RBFOX2: variants seen among roughly 807,000 people sequenced by gnomAD.
RBFOX2 encodes RNA binding protein fox-1 homolog 2.
Under a neutral mutation model 49.1 loss-of-function variants are expected in RBFOX2, and 10 were observed. The observed-to-expected ratio is 0.20, with a 90% CI of 0.13 to 0.35. The LOEUF (loss-of-function observed/expected upper bound fraction) is 0.35, where lower values mean the gene tolerates loss of function less well. Among genes scored for constraint, RBFOX2 ranks in the 10% least tolerant of loss-of-function variants. The probability of loss-of-function intolerance (pLI) is 1.00; values close to 1 mark genes in which losing one functional copy is unlikely to be tolerated. For missense variants in RBFOX2, 323 were observed against 486.9 expected (o/e 0.66, Z 3.17); for synonymous variants, 183 against 187.4 (o/e 0.98, Z 0.19).
chr22:35,919,579 C>A (rs558854134), intron 1 of RBFOX2, among the ~76,000 whole-genome samples: 1 of 151,854 alleles, frequency 6.6e-6, no homozygotes, highest in East Asian at 1.9e-4. Flanking sequence ...AATGGAGTTT[C>A]TTGTGGAATA....
At chr22:35,907,705 T>C (rs1007199666) in intron 1 of RBFOX2, among the ~76,000 whole-genome samples, 4 of 152,122 alleles carry the variant, frequency 2.6e-5, no homozygotes, top group African/African-American at 9.7e-5. Context: ...TGGAATGCAG[T>C]GGCGTGACTC....
At chr22:35,829,018 T>A (rs1956313331) in intron 1 of RBFOX2, among the ~76,000 whole-genome samples, 1 of 152,068 alleles carries the variant, frequency 6.6e-6, no homozygotes, top group East Asian at 1.9e-4. Flanking sequence ...GCCACTGCAC[T>A]CCAGCCTGGG....
chr22:35,983,152 G>T (rs575218159), intron 1 of RBFOX2, among the ~76,000 whole-genome samples: 5 of 152,306 alleles, frequency 3.3e-5, no homozygotes, highest in Admixed American at 2.0e-4. Flanking sequence ...GATGAATGTA[G>T]CTATCAACTT....
intron 5 of RBFOX2, among the ~76,000 whole-genome samples, chr22:35,766,704 T>C (rs1231319495): frequency 6.6e-6 from 1 of 152,058 alleles, no homozygotes; most frequent in Non-Finnish European, 1.5e-5. Context: ...CAATCAATTT[T>C]GGAAAGAGGG....
intron 1 of RBFOX2, among the ~76,000 whole-genome samples, chr22:35,879,737 T>C (rs1256998380): frequency 6.6e-6 from 1 of 152,178 alleles, no homozygotes; most frequent in Non-Finnish European, 1.5e-5. Flanking sequence ...TTTCAAAGGA[T>C]TATGTCAGAT....
intron 2 of RBFOX2, among the ~76,000 whole-genome samples, chr22:35,796,952 A>T (rs140268636): frequency 2.6e-4 from 40 of 152,274 alleles, no homozygotes; most frequent in Admixed American, 1.1e-3. Context: ...TCTTCCCTTG[A>T]AGTGGCAGGC....
intron 1 of RBFOX2, among the ~76,000 whole-genome samples, chr22:35,932,264 G>A (rs1424531371): frequency 6.6e-6 from 1 of 151,572 alleles, no homozygotes; most frequent in Non-Finnish European, 1.5e-5. Context: ...AAAGTTCATT[G>A]CAAAAATTTG....
chr22:35,962,072 A>C (rs1248244759), upstream of RBFOX2, among the ~76,000 whole-genome samples: 1 of 152,246 alleles, frequency 6.6e-6, no homozygotes, highest in Non-Finnish European at 1.5e-5. Flanking sequence ...ATGCAAAAAA[A>C]CAGTTGGGTC....
intron 3 of RBFOX2, among the ~76,000 whole-genome samples, chr22:35,779,135 G>C (rs1944576016): frequency 6.6e-6 from 1 of 152,142 alleles, no homozygotes; most frequent in South Asian, 2.1e-4. Flanking sequence ...CTGTTAGGTA[G>C]CTAAATAGCT....
At chr22:35,740,313 G>A (rs912205352) in exon 12 of RBFOX2, 2 of 152,478 alleles carry the variant, frequency 1.3e-5, no homozygotes, top group African/African-American at 4.8e-5. Flanking sequence ...AGAGGCTTTT[G>A]GACAGTAACA....
intron 1 of RBFOX2, among the ~76,000 whole-genome samples, chr22:35,810,895 T>G (rs1951743803): frequency 6.6e-6 from 1 of 152,166 alleles, no homozygotes; most frequent in South Asian, 2.1e-4. Context: ...TAATAAAACC[T>G]ATACAAATAT....
At chr22:35,787,482 A>C (rs921174405) in intron 2 of RBFOX2, among the ~76,000 whole-genome samples, 5 of 152,184 alleles carry the variant, frequency 3.3e-5, no homozygotes, top group African/African-American at 1.2e-4. Context: ...ACAGGGACTT[A>C]AAAGTGGTTT....
At chr22:35,763,487 G>T (rs571754115) in intron 6 of RBFOX2, among the ~76,000 whole-genome samples, 1 of 152,238 alleles carries the variant, frequency 6.6e-6, no homozygotes, top group East Asian at 1.9e-4. Flanking sequence ...GCTTGAACCC[G>T]GGAAGTGGAG....
intron 1 of RBFOX2, among the ~76,000 whole-genome samples, chr22:35,859,564 C>T (rs1280855428): frequency 6.6e-6 from 1 of 152,088 alleles, no homozygotes; most frequent in Non-Finnish European, 1.5e-5. Flanking sequence ...ACACATGGTA[C>T]AGAAAGGAAG....
At chr22:35,947,963 C>G (rs564917656) in intron 1 of RBFOX2, among the ~76,000 whole-genome samples, 1 of 152,296 alleles carries the variant, frequency 6.6e-6, no homozygotes, top group South Asian at 2.1e-4. Flanking sequence ...ATGCCCGAAG[C>G]CTTCACATCC....
At chr22:35,939,083 A>C (rs1267129934), upstream of RBFOX2, 1 of 702,692 alleles carries the variant, frequency 1.4e-6, no homozygotes, top group Non-Finnish European at 2.6e-6. Flanking sequence ...AAAAACAAAA[A>C]ACAGTATTTG....
At chr22:35,743,684 C>T (rs1001950787) in exon 12 of RBFOX2, 1 of 152,580 alleles carries the variant, frequency 6.6e-6, no homozygotes, top group Non-Finnish European at 1.5e-5. Context: ...CAGCCACAGC[C>T]AACCAGAATT....
chr22:35,854,901 A>G (rs2042340187), intron 1 of RBFOX2, among the ~76,000 whole-genome samples: 2 of 152,178 alleles, frequency 1.3e-5, no homozygotes, highest in African/African-American at 4.8e-5. Flanking sequence ...CCTATAAGAC[A>G]AAACACACTA....
chr22:35,843,848 C>T (rs1392899532), upstream of RBFOX2, among the ~76,000 whole-genome samples: 5 of 152,132 alleles, frequency 3.3e-5, no homozygotes, highest in Non-Finnish European at 2.9e-5. Context: ...TGCATTTCCA[C>T]GCAGAGAGGA....
Sources: gnomAD v4.1 joint callset for allele counts (sites outside exome capture counted in the v4.1 genomes callset) on GRCh38, gnomAD v4.1.1 for gene constraint, MANE v1.5 for transcripts, NCBI Gene and HGNC (gene_info 2026-07-23, HGNC 2026-07-21) for gene names.